Variants in GRIP1 observed in about 807,000 individuals in gnomAD.
GRIP1 encodes glutamate receptor interacting protein 1.
Under a neutral mutation model 129.9 loss-of-function variants are expected in GRIP1, and 45 were observed. That is an observed-to-expected ratio of 0.35 (90% CI 0.27 to 0.44). The LOEUF (loss-of-function observed/expected upper bound fraction) is 0.44. Ranked by LOEUF, GRIP1 falls within the 20% of genes least tolerant of loss-of-function variation. GRIP1 has a pLI of 1.00. For missense variants in GRIP1, 1,196 were observed against 1,396.8 expected (o/e 0.86, Z 2.29); for synonymous variants, 530 against 520.8 (o/e 1.02, Z -0.24).
chr12:66,965,550 TGTG>T (rs1427059630), intron 1 of GRIP1, among the ~76,000 whole-genome samples: 1 of 9,514 alleles, frequency 1.1e-4, no homozygotes, highest in Non-Finnish European at 2.3e-4. Flanking sequence ...AAAGAAACAT[TGTG>T]TGTGTGTGTG....
intron 15 of GRIP1, among the ~76,000 whole-genome samples, chr12:66,409,972 C>T (rs571597215): frequency 7.2e-5 from 11 of 152,268 alleles, no homozygotes; most frequent in Non-Finnish European, 1.5e-4. Context: ...AATTAGTGGC[C>T]GGGCGCGGTG....
intron 1 of GRIP1, among the ~76,000 whole-genome samples, chr12:66,815,820 A>ATTTCTTTCTTTCTTTTTCTTTC (rs1392043505): frequency 1.9e-4 from 22 of 118,620 alleles, no homozygotes; most frequent in African/African-American, 7.1e-4. Context: ...AAGATGAAAG[A>ATTTCTTTCTTTCTTTTTCTTTC]TTTCTTTCTT....
At chr12:66,943,555 A>G (rs1478298553) in intron 1 of GRIP1, among the ~76,000 whole-genome samples, 1 of 152,244 alleles carries the variant, frequency 6.6e-6, no homozygotes, top group Admixed American at 6.5e-5. Context: ...GCTTCAGTTG[A>G]TAACAAACAC....
intron 1 of GRIP1, among the ~76,000 whole-genome samples, chr12:66,636,667 A>T (rs540412532): frequency 6.6e-6 from 1 of 151,618 alleles, no homozygotes; most frequent in Non-Finnish European, 1.5e-5. Flanking sequence ...TGAAGCCCTG[A>T]TCCAACAGAG....
intron 1 of GRIP1, among the ~76,000 whole-genome samples, chr12:66,691,997 G>A (rs1252773718): frequency 6.6e-6 from 1 of 152,178 alleles, no homozygotes; most frequent in African/African-American, 2.4e-5. Flanking sequence ...CTTCCAAGTA[G>A]AAAATTAGAG....
chr12:66,747,051 TG>T (rs2036971996), intron 1 of GRIP1, among the ~76,000 whole-genome samples: 1 of 152,136 alleles, frequency 6.6e-6, no homozygotes, highest in African/African-American at 2.4e-5. Flanking sequence ...TTACATATTA[TG>T]ATAAAAATAG....
intron 1 of GRIP1, among the ~76,000 whole-genome samples, chr12:66,833,622 C>T (rs1211244659): frequency 6.6e-6 from 1 of 152,162 alleles, no homozygotes; most frequent in Non-Finnish European, 1.5e-5. Flanking sequence ...CCCTTCCCCA[C>T]CCAACACTGG....
chr12:66,912,736 T>C lies in GRIP1; in HGVS notation c.58+156314A>G, dbSNP rs563824874. Among the ~76,000 whole-genome samples the C allele has an allele frequency of 1.1e-4, 17 of 152,284 alleles. No individual in the cohort carries two copies. In the South Asian group the frequency reaches 3.1e-3, roughly 28 times the overall value. ...ATAAAATTTAAGAAAATAACATTAA[T>C]GTCATCTAGTGAGGGTATTTTTGTG... On this transcript the variant is annotated intron_variant, in intron 1 of 1. Coordinates refer to the GRIP1 transcript ENST00000643019.
At chr12:66,467,364 A>G (rs2059315087) in intron 7 of GRIP1, among the ~76,000 whole-genome samples, 1 of 152,130 alleles carries the variant, frequency 6.6e-6, no homozygotes, top group Non-Finnish European at 1.5e-5. Context: ...GACTAGGGCC[A>G]ATGACAATGT....
chr12:66,805,372 A>C (rs979165573), upstream of GRIP1, among the ~76,000 whole-genome samples: 1 of 150,618 alleles, frequency 6.6e-6, no homozygotes, highest in African/African-American at 2.4e-5. Context: ...GGTCAGCATT[A>C]ATCATGAATA....
chr12:66,856,781 T>C (rs992867845), intron 1 of GRIP1, among the ~76,000 whole-genome samples: 1 of 151,888 alleles, frequency 6.6e-6, no homozygotes, highest in African/African-American at 2.4e-5. Context: ...GGTGGGACTG[T>C]AAACTAGTTC....
At chr12:66,386,246 T>C (rs1004964794) in intron 19 of GRIP1, among the ~76,000 whole-genome samples, 3 of 152,246 alleles carry the variant, frequency 2.0e-5, no homozygotes, top group African/African-American at 7.2e-5. Context: ...TTTTCTGTAC[T>C]AATACAGATT....
At chr12:67,052,721 C>T (rs2043366501) in intron 1 of GRIP1, among the ~76,000 whole-genome samples, 1 of 139,174 alleles carries the variant, frequency 7.2e-6, no homozygotes, top group Non-Finnish European at 1.5e-5. Flanking sequence ...GATCACGCCA[C>T]TGCACTCCAG....
chr12:66,855,015 C>T (rs11176450), intron 1 of GRIP1, among the ~76,000 whole-genome samples: 13,627 of 151,960 alleles, frequency 0.09, 688 homozygotes, highest in South Asian at 0.18. Context: ...TCATGCTATT[C>T]TTCCTTTTCT....
chr12:66,950,738 A>G (rs2041743955), intron 1 of GRIP1, among the ~76,000 whole-genome samples: 1 of 152,126 alleles, frequency 6.6e-6, no homozygotes, highest in African/African-American at 2.4e-5. Context: ...ATAGCCAAAA[A>G]TTTGACACAT....
intron 1 of GRIP1, among the ~76,000 whole-genome samples, chr12:66,792,866 C>T (rs923983376): frequency 1.3e-5 from 2 of 152,016 alleles, no homozygotes; most frequent in Non-Finnish European, 2.9e-5. Flanking sequence ...CTAAGAGTTC[C>T]CTGACCACTG....
At chr12:66,491,670 T>A (rs1390639906) in intron 7 of GRIP1, among the ~76,000 whole-genome samples, 1 of 152,150 alleles carries the variant, frequency 6.6e-6, no homozygotes, top group Non-Finnish European at 1.5e-5. Context: ...AAAGGGGGCA[T>A]AATTCTTTGA....
At chr12:66,917,768 T>TAA (rs1156967770) in intron 1 of GRIP1, among the ~76,000 whole-genome samples, 1 of 152,178 alleles carries the variant, frequency 6.6e-6, no homozygotes, top group Non-Finnish European at 1.5e-5. Flanking sequence ...TTAAATCAGA[T>TAA]ATTCTAGAGA....
At chr12:66,349,923 C>T (rs1170239463) in intron 24 of GRIP1, among the ~76,000 whole-genome samples, 1 of 152,088 alleles carries the variant, frequency 6.6e-6, no homozygotes, top group East Asian at 1.9e-4. Context: ...TTTAAAATCA[C>T]CCACATGCCG....
Sources: allele counts gnomAD v4.1 joint callset (sites outside exome capture counted in the v4.1 genomes callset), GRCh38; gene constraint gnomAD v4.1.1; transcripts MANE v1.5; gene names NCBI Gene and HGNC (gene_info 2026-07-23, HGNC 2026-07-21).